PDE10A: variants seen among roughly 807,000 people sequenced by gnomAD.
PDE10A encodes phosphodiesterase 10A, also known as cAMP and cAMP-inhibited cGMP 3',5'-cyclic phosphodiesterase 10A.
Under a neutral mutation model 97.7 loss-of-function variants are expected in PDE10A, and 39 were observed. The ratio of observed to expected loss-of-function variants is 0.40; its 90% CI spans 0.31 to 0.52. PDE10A has a LOEUF of 0.52. PDE10A is among the 20% of genes least tolerant of loss of function. PDE10A has a pLI of 0.56. For synonymous variants in PDE10A, 371 were observed against 376.8 expected, an observed-to-expected ratio of 0.98 and a Z score of 0.18; for missense variants, 731 against 1,047.8, an observed-to-expected ratio of 0.70 and a Z score of 4.17.
chr6:165,579,587 A>G (rs1260748872), intron 1 of PDE10A, among the ~76,000 whole-genome samples: 3 of 152,156 alleles, frequency 2.0e-5, no homozygotes, highest in African/African-American at 4.8e-5. Flanking sequence ...TCCAGCCACT[A>G]TCATCCTTCA....
chr6:165,766,269 A>G (rs369696412), intron 1 of PDE10A, among the ~76,000 whole-genome samples: 1 of 152,196 alleles, frequency 6.6e-6, no homozygotes, highest in South Asian at 2.1e-4. Flanking sequence ...ATTTGCTCAC[A>G]TTTACTTGAA....
At chr6:165,803,121 G>C (rs9356391) in intron 1 of PDE10A, among the ~76,000 whole-genome samples, 149,993 of 152,370 alleles carry the variant, frequency 0.98, 73,869 homozygotes, top group Middle Eastern at 1. Flanking sequence ...CCTTTGAAAC[G>C]AATGCTTGGT....
intron 1 of PDE10A, among the ~76,000 whole-genome samples, chr6:165,672,735 A>G (rs1417595350): frequency 1.3e-5 from 2 of 152,330 alleles, no homozygotes; most frequent in African/African-American, 4.8e-5. Context: ...CCCCAGCCAC[A>G]TGGAACCATG....
At chr6:165,905,659 A>T (rs994832822) in intron 1 of PDE10A, among the ~76,000 whole-genome samples, 1 of 150,744 alleles carries the variant, frequency 6.6e-6, no homozygotes, top group Non-Finnish European at 1.5e-5. Flanking sequence ...CAGTAAGCAT[A>T]TAATACTTTT....
At chr6:165,575,233 C>T (rs1785243940) in intron 1 of PDE10A, among the ~76,000 whole-genome samples, 1 of 152,182 alleles carries the variant, frequency 6.6e-6, no homozygotes, top group Non-Finnish European at 1.5e-5. Context: ...TTGTGACCTG[C>T]ATTTCTAACT....
At chr6:165,953,944 A>C (rs1364738990) in intron 1 of PDE10A, among the ~76,000 whole-genome samples, 3 of 152,194 alleles carry the variant, frequency 2.0e-5, no homozygotes, top group African/African-American at 7.2e-5. Context: ...GAGCCCCGGC[A>C]ACCACTGATC....
intron 1 of PDE10A, among the ~76,000 whole-genome samples, chr6:165,563,208 G>T (rs1197559741): frequency 7.5e-6 from 1 of 133,682 alleles, no homozygotes. Context: ...AAGGGAGGGG[G>T]GAAAAAGAAA....
chr6:165,806,042 TAAAAA>T (rs67104260), intron 1 of PDE10A, among the ~76,000 whole-genome samples: 36 of 73,138 alleles, frequency 4.9e-4, no homozygotes, highest in Admixed American at 7.1e-4. Flanking sequence ...GCTTGATTAT[TAAAAA>T]AAAAAAAAAA....
chr6:165,855,094 C>T (rs1780691021), intron 1 of PDE10A, among the ~76,000 whole-genome samples: 1 of 152,042 alleles, frequency 6.6e-6, no homozygotes, highest in Non-Finnish European at 1.5e-5. Context: ...AGGTAATGGC[C>T]AGGGAGGTAA....
chr6:165,727,509 T>A (rs1792329634), intron 1 of PDE10A, among the ~76,000 whole-genome samples: 1 of 152,040 alleles, frequency 6.6e-6, no homozygotes, highest in Non-Finnish European at 1.5e-5. Context: ...CAGGAGGGAA[T>A]CACTAAAAGA....
chr6:165,966,549 C>G (rs1345478757), intron 1 of PDE10A, among the ~76,000 whole-genome samples: 1 of 152,236 alleles, frequency 6.6e-6, no homozygotes, highest in Non-Finnish European at 1.5e-5. Context: ...GGGAAGCCCA[C>G]TTGCTTTTTT....
At chr6:165,537,553 A>G (rs1330401000) in intron 2 of PDE10A, among the ~76,000 whole-genome samples, 1 of 152,034 alleles carries the variant, frequency 6.6e-6, no homozygotes, top group African/African-American at 2.4e-5. Context: ...TATTCATAAT[A>G]ATATATTCAT....
At chr6:165,764,813 C>G (rs372664621) in intron 1 of PDE10A, among the ~76,000 whole-genome samples, 1 of 152,082 alleles carries the variant, frequency 6.6e-6, no homozygotes, top group Non-Finnish European at 1.5e-5. Flanking sequence ...CACAGAGTGT[C>G]GAAGGGGACC....
At chr6:165,950,899 T>G (rs191454802) in intron 1 of PDE10A, among the ~76,000 whole-genome samples, 1 of 152,356 alleles carries the variant, frequency 6.6e-6, no homozygotes, top group East Asian at 1.9e-4. Context: ...TTGGGAGATC[T>G]GATCTCTCAT....
In PDE10A at chr6:165,788,518, C is replaced by CAAAA. The variant is rs56927613; in HGVS notation, c.-615+199007_-615+199010dup. 3.0e-3 allele frequency among the ~76,000 whole-genome samples: 227 copies of CAAAA among 74,656 alleles called. 4 individuals carry two copies. Among genetic ancestry groups the CAAAA allele is most frequent in the African/African-American group, 0.011 (183 of 16,470 alleles). 49.0% of individuals were successfully genotyped at this position (74,656 alleles called of 152,430 possible). Reference sequence around the variant, plus strand: ...GAGCAACAAGAAGGAAACTCTGTCTCAAAAAAAAAAAAAAAAAAAAAGAAA... The same window carrying CAAAA: ...GAGCAACAAGAAGGAAACTCTGTCTCAAAAAAAAAAAAAAAAAAAAAAAAAGAAA... On this transcript the variant is annotated intron_variant, in intron 1 of 19. Transcript: ENST00000366882.
Position 165,896,216 on chromosome 6 carries a change from G to A in PDE10A, c.-615+91313C>T, listed in dbSNP as rs368103081. Among the ~76,000 whole-genome samples, 8 of 152,060 alleles carry A rather than the reference G, an allele frequency of 5.3e-5. No homozygotes were observed. The South Asian group carries it at 8.3e-4, about 16-fold the overall frequency. ...ATCTTGTTGGGACTCTGTCGAAGCC[G>A]TTTCACCTTGTCCCAGCTAATACAA... On this transcript the variant is annotated intron_variant, in intron 1 of 19. Transcript: ENST00000366882.
chr6:165,341,623 A>T (rs916457459), intron 19 of PDE10A, among the ~76,000 whole-genome samples: 6 of 152,152 alleles, frequency 3.9e-5, no homozygotes, highest in Non-Finnish European at 8.8e-5. Flanking sequence ...CATTTATGTT[A>T]ACATGGCGGC....
intron 1 of PDE10A, among the ~76,000 whole-genome samples, chr6:165,970,547 T>TA (rs778733347): frequency 5.3e-5 from 8 of 152,088 alleles, no homozygotes; most frequent in South Asian, 2.1e-4. Context: ...TTATCATATA[T>TA]AAAAAAACTG....
chr6:165,835,436 T>C (rs1471601916), intron 1 of PDE10A, among the ~76,000 whole-genome samples: 2 of 152,182 alleles, frequency 1.3e-5, no homozygotes, highest in African/African-American at 4.8e-5. Flanking sequence ...GCATCCAGGG[T>C]GCATTCTGCT....
Sources: gnomAD v4.1 joint callset for allele counts (sites outside exome capture counted in the v4.1 genomes callset) on GRCh38, gnomAD v4.1.1 for gene constraint, MANE v1.5 for transcripts, NCBI Gene and HGNC (gene_info 2026-07-23, HGNC 2026-07-21) for gene names.